Variants in EYA2 observed in about 807,000 individuals in gnomAD.
EYA2 encodes EYA transcriptional coactivator and phosphatase 2.
EYA2 carries 31 observed loss-of-function variants against 69.2 expected under a neutral mutation model. The observed-to-expected ratio is 0.45, with a 90% CI of 0.34 to 0.60. EYA2 has a LOEUF of 0.60. Ranked by LOEUF, EYA2 falls within the 20% of genes least tolerant of loss-of-function variation. The probability of loss-of-function intolerance (pLI) is 0.02; values close to 1 mark genes in which losing one functional copy is unlikely to be tolerated. For synonymous variants in EYA2, 257 were observed against 279.4 expected (o/e 0.92, Z 0.80); for missense variants, 622 against 701.2 (o/e 0.89, Z 1.28).
At chr20:47,059,333 C>G (rs182885267) in intron 5 of EYA2, among the ~76,000 whole-genome samples, 38 of 152,230 alleles carry the variant, frequency 2.5e-4, no homozygotes, top group African/African-American at 8.9e-4. Flanking sequence ...TTCAGCATGT[C>G]AATGTAATTT....
chr20:46,934,588 A>G (rs1409866840), intron 1 of EYA2, among the ~76,000 whole-genome samples: 1 of 152,148 alleles, frequency 6.6e-6, no homozygotes, highest in African/African-American at 2.4e-5. Context: ...GAGGCTCTCC[A>G]AGGGAAAGTG....
chr20:46,950,757 A>C lies in EYA2; in HGVS notation c.-10-39244A>C, dbSNP rs190210428. 3.3e-4 allele frequency among the ~76,000 whole-genome samples: 50 copies of C among 152,312 alleles called. No individual in the cohort carries two copies. The East Asian group carries it at 3.5e-3, about 11-fold the overall frequency. ...GCAGGCACTAGCTTTATGTGTGTTG[A>C]GAGGCATGGTGTCTTTGTGTGGGTT... On this transcript the variant is annotated intron_variant, in intron 1 of 15. Transcript: ENST00000327619.
chr20:47,001,490 T>C lies in EYA2; in HGVS notation c.155+17T>C, dbSNP rs1982368615. ...CTTCTCCAGGTGAGTGCCATTCACT[T>C]GTCTCCTGCTCACATGCCCACCTTT... On this transcript the variant is annotated intron_variant, in intron 3 of 15. Transcript: ENST00000327619. 1 of 1,613,594 alleles carries C rather than the reference T, an allele frequency of 6.2e-7. No homozygotes were observed. Among genetic ancestry groups the C allele is most frequent in the South Asian group, 1.1e-5 (1 of 91,074 alleles).
chr20:47,035,001 T>G (rs1179942676), intron 5 of EYA2, among the ~76,000 whole-genome samples: 9 of 152,240 alleles, frequency 5.9e-5, no homozygotes, highest in Non-Finnish European at 1.2e-4. Flanking sequence ...CTCATCTTAA[T>G]TTGATTACAT....
chr20:46,914,516 G>A (rs1415380486), intron 1 of EYA2, among the ~76,000 whole-genome samples: 1 of 152,200 alleles, frequency 6.6e-6, no homozygotes, highest in East Asian at 1.9e-4. Flanking sequence ...CATGGCGGAA[G>A]GGGAAGCAAA....
At chr20:46,901,713 C>G (rs562382305) in intron 1 of EYA2, 2 of 152,358 alleles carry the variant, frequency 1.3e-5, no homozygotes, top group Admixed American at 1.3e-4. Flanking sequence ...GAGGAAGGAG[C>G]CCCGAGGAGA....
intron 9 of EYA2, among the ~76,000 whole-genome samples, chr20:47,119,909 G>T (rs759290121): frequency 4.6e-5 from 7 of 152,046 alleles, no homozygotes; most frequent in Non-Finnish European, 1.0e-4. Flanking sequence ...GCTACAGAAA[G>T]AAAAATAAGT....
At chr20:47,135,818 C>CAAAAAAAAAAAAAAAAAA (rs1201324879) in intron 9 of EYA2, among the ~76,000 whole-genome samples, 27 of 33,204 alleles carry the variant, frequency 8.1e-4, no homozygotes, top group Non-Finnish European at 1.1e-3. Flanking sequence ...CCTGTCTCTA[C>CAAAAAAAAAAAAAAAAAA]AAAAAAAAAA....
At chr20:47,003,518 C>G (rs1369174671) in intron 3 of EYA2, among the ~76,000 whole-genome samples, 1 of 152,238 alleles carries the variant, frequency 6.6e-6, no homozygotes, top group Non-Finnish European at 1.5e-5. Context: ...ACCTGCTTTT[C>G]AGGAGAAGGA....
At chr20:47,084,733 G>A (rs772829832) in intron 7 of EYA2, among the ~76,000 whole-genome samples, 61 of 151,994 alleles carry the variant, frequency 4.0e-4, no homozygotes, top group Admixed American at 1.2e-3. Flanking sequence ...TCACAAAGAC[G>A]GACCATACCA....
chr20:47,183,638 G>C (rs1023164562), intron 15 of EYA2, among the ~76,000 whole-genome samples: 2 of 152,220 alleles, frequency 1.3e-5, no homozygotes, highest in African/African-American at 4.8e-5. Context: ...TGGGACAACT[G>C]TTCGGGAGCC....
At chr20:47,013,806 G>A (rs777043425) in intron 4 of EYA2, among the ~76,000 whole-genome samples, 10 of 152,174 alleles carry the variant, frequency 6.6e-5, no homozygotes, top group East Asian at 3.8e-4. Context: ...CAACGTTAAC[G>A]ACTCCTAGTG....
At chr20:47,022,079 C>T (rs1476191992) in intron 5 of EYA2, among the ~76,000 whole-genome samples, 1 of 152,174 alleles carries the variant, frequency 6.6e-6, no homozygotes, top group Non-Finnish European at 1.5e-5. Flanking sequence ...ATCTTTGCTA[C>T]AGGACTTTTC....
chr20:47,000,030 C>T (rs1982260357), intron 2 of EYA2, among the ~76,000 whole-genome samples: 2 of 152,330 alleles, frequency 1.3e-5, no homozygotes, highest in Middle Eastern at 3.4e-3. Flanking sequence ...AAGACAGACT[C>T]TGGAGCCAGA....
intron 5 of EYA2, among the ~76,000 whole-genome samples, chr20:47,026,311 T>TA (rs1246328316): frequency 1.3e-5 from 2 of 152,176 alleles, no homozygotes; most frequent in Non-Finnish European, 2.9e-5. Flanking sequence ...AATAAAACCA[T>TA]AAAAATACTA....
intron 1 of EYA2, among the ~76,000 whole-genome samples, chr20:46,898,625 G>A (rs1351900089): frequency 6.6e-6 from 1 of 152,200 alleles, no homozygotes; most frequent in East Asian, 1.9e-4. Context: ...TTCACTGTTT[G>A]AAGATCGTAA....
intron 1 of EYA2, among the ~76,000 whole-genome samples, chr20:46,948,237 C>T (rs1283315714): frequency 6.6e-6 from 1 of 152,168 alleles, no homozygotes; most frequent in Non-Finnish European, 1.5e-5. Flanking sequence ...GCTTTGCGGG[C>T]CATACCATCT....
chr20:47,152,871 G>T (rs552883449), intron 10 of EYA2, among the ~76,000 whole-genome samples: 73 of 151,268 alleles, frequency 4.8e-4, no homozygotes, highest in South Asian at 1.3e-3. Flanking sequence ...GGCAGAGATT[G>T]CATTGAGCCA....
intron 1 of EYA2, among the ~76,000 whole-genome samples, chr20:46,937,688 T>G (rs1985975780): frequency 6.8e-6 from 1 of 146,518 alleles, no homozygotes; most frequent in African/African-American, 2.5e-5. Flanking sequence ...AAATCCAACC[T>G]TTCAGGACGT....
Sources: allele counts gnomAD v4.1 joint callset (sites outside exome capture counted in the v4.1 genomes callset), GRCh38; gene constraint gnomAD v4.1.1; transcripts MANE v1.5; gene names NCBI Gene and HGNC (gene_info 2026-07-23, HGNC 2026-07-21).